LHFPL3: variants seen among roughly 807,000 people sequenced by gnomAD.
LHFPL3 encodes LHFPL tetraspan subfamily member 3 protein.
LHFPL3 carries 5 observed loss-of-function variants against 19.3 expected under a neutral mutation model. The ratio of observed to expected loss-of-function variants is 0.26; its 90% CI spans 0.14 to 0.54. The LOEUF (loss-of-function observed/expected upper bound fraction) is 0.54. LHFPL3 is among the 20% of genes least tolerant of loss of function. The pLI is 0.94. For missense variants in LHFPL3, 249 were observed against 307.4 expected (o/e 0.81, Z 1.42); for synonymous variants, 133 against 126.2 (o/e 1.05, Z -0.36).
intron 1 of LHFPL3, among the ~76,000 whole-genome samples, chr7:104,637,921 G>A (rs919302600): frequency 2.7e-5 from 4 of 147,406 alleles, no homozygotes; most frequent in African/African-American, 7.6e-5. Context: ...TTCTAGTCCC[G>A]TGAAGAATGT....
At chr7:104,565,778 A>G (rs921852071) in intron 1 of LHFPL3, among the ~76,000 whole-genome samples, 2 of 149,076 alleles carry the variant, frequency 1.3e-5, no homozygotes, top group African/African-American at 2.5e-5. Flanking sequence ...TATCTAATCT[A>G]TCTATCTGTC....
chr7:104,452,830 A>C (rs1792466619), intron 1 of LHFPL3, among the ~76,000 whole-genome samples: 1 of 152,230 alleles, frequency 6.6e-6, no homozygotes, highest in Non-Finnish European at 1.5e-5. Flanking sequence ...ATGCTATGAA[A>C]AGTGTAAACA....
chr7:104,637,207 G>A (rs1791744583), intron 1 of LHFPL3, among the ~76,000 whole-genome samples: 1 of 152,044 alleles, frequency 6.6e-6, no homozygotes, highest in Non-Finnish European at 1.5e-5. Context: ...CATATCCTTT[G>A]CCCACTTTTT....
intron 2 of LHFPL3, among the ~76,000 whole-genome samples, chr7:104,891,179 A>T (rs1306606642): frequency 4.8e-5 from 7 of 146,672 alleles, no homozygotes; most frequent in South Asian, 4.3e-4. Context: ...AGAATACCAT[A>T]AAAAAAAAAT....
intron 1 of LHFPL3, among the ~76,000 whole-genome samples, chr7:104,583,867 A>C (rs1045926866): frequency 1.3e-5 from 2 of 151,736 alleles, no homozygotes; most frequent in Non-Finnish European, 1.5e-5. Context: ...GTGGGACTGT[A>C]AACTAGTTCA....
At chr7:104,458,983 C>T (rs1473465257) in intron 1 of LHFPL3, among the ~76,000 whole-genome samples, 3 of 152,186 alleles carry the variant, frequency 2.0e-5, no homozygotes, top group Non-Finnish European at 4.4e-5. Flanking sequence ...GGCACCTAAG[C>T]TTTCAGCAGC....
At chr7:104,396,565 A>G (rs1315315591) in intron 1 of LHFPL3, among the ~76,000 whole-genome samples, 1 of 151,360 alleles carries the variant, frequency 6.6e-6, no homozygotes, top group East Asian at 1.9e-4. Flanking sequence ...GAAAAGTCAG[A>G]GGCATCCTCT....
intron 1 of LHFPL3, among the ~76,000 whole-genome samples, chr7:104,444,638 A>G (rs955816005): frequency 1.2e-4 from 18 of 152,192 alleles, no homozygotes; most frequent in African/African-American, 3.9e-4. Flanking sequence ...GCAGAATCTA[A>G]CTATAAGACA....
chr7:104,833,181 G>A (rs1212704890), intron 2 of LHFPL3, among the ~76,000 whole-genome samples: 2 of 105,052 alleles, frequency 1.9e-5, no homozygotes, highest in Non-Finnish European at 3.6e-5. Context: ...TTGTGATCAT[G>A]TAAGTTAATA....
intron 1 of LHFPL3, among the ~76,000 whole-genome samples, chr7:104,453,831 C>T (rs576760199): frequency 1.3e-5 from 2 of 152,260 alleles, no homozygotes; most frequent in East Asian, 1.9e-4. Context: ...ACTTCCCTCA[C>T]TTGCTCCTGC....
chr7:104,789,933 T>G (rs994823424), intron 2 of LHFPL3, among the ~76,000 whole-genome samples: 1 of 152,148 alleles, frequency 6.6e-6, no homozygotes, highest in African/African-American at 2.4e-5. Context: ...CCATCTACTA[T>G]ACAATGAGGG....
chr7:104,439,981 A>G (rs561024188), intron 1 of LHFPL3, among the ~76,000 whole-genome samples: 72 of 140,686 alleles, frequency 5.1e-4, no homozygotes, highest in African/African-American at 1.8e-3. Flanking sequence ...AATAAAATAT[A>G]TTAGTACTGA....
chr7:104,858,710 A>G (rs80151356), intron 2 of LHFPL3, among the ~76,000 whole-genome samples: 2,147 of 152,108 alleles, frequency 0.014, 50 homozygotes, highest in African/African-American at 0.049. Context: ...TCATCTCTGT[A>G]TCTGTCATTT....
chr7:104,700,098 A>G (rs569416844), intron 1 of LHFPL3, among the ~76,000 whole-genome samples: 17 of 151,996 alleles, frequency 1.1e-4, no homozygotes, highest in Admixed American at 7.9e-4. Context: ...CCATCCAACA[A>G]CTCTAGGCAT....
intron 1 of LHFPL3, among the ~76,000 whole-genome samples, chr7:104,515,374 T>C (rs771135204): frequency 2.0e-5 from 3 of 152,160 alleles, no homozygotes; most frequent in African/African-American, 7.2e-5. Context: ...TTAGCTATAA[T>C]TGACTCTAAG....
chr7:104,338,093 C>CTTTTTTTTTTTT lies in LHFPL3; in HGVS notation c.445+8881_445+8892dup, dbSNP rs71296520. 6.3e-3 allele frequency among the ~76,000 whole-genome samples: 539 copies of CTTTTTTTTTTTT among 85,850 alleles called. 18 individuals carry two copies. The highest frequency in any genetic ancestry group is 0.013 in the Middle Eastern group (1 of 78). 56.3% of individuals were successfully genotyped at this position (85,850 alleles called of 152,430 possible). A position where few individuals can be genotyped will look rare whatever the true frequency, so the allele number is the denominator to read the frequency against. On this transcript the variant is annotated intron_variant, in intron 1 of 2. Coordinates refer to ENST00000424859, the MANE Select transcript of LHFPL3 (RefSeq NM_199000.3). ...TTATGATACCTTTATTTTCCTTTTT[C>CTTTTTTTTTTTT]TTTTTTTTTTTTTTTTTTTTTTTGA...
intron 1 of LHFPL3, among the ~76,000 whole-genome samples, chr7:104,550,978 C>G (rs1244563070): frequency 3.3e-5 from 5 of 152,102 alleles, no homozygotes; most frequent in Non-Finnish European, 7.4e-5. Flanking sequence ...CAGAGCTCTC[C>G]TTGCTCTCTC....
At chr7:104,840,051 AATT>A (rs1233299256) in intron 2 of LHFPL3, among the ~76,000 whole-genome samples, 11 of 152,026 alleles carry the variant, frequency 7.2e-5, no homozygotes, top group South Asian at 4.2e-4. Context: ...TATAATCAAT[AATT>A]ATTAAGTATA....
At chr7:104,735,928 A>G (rs1180907944) in intron 1 of LHFPL3, among the ~76,000 whole-genome samples, 2 of 152,240 alleles carry the variant, frequency 1.3e-5, no homozygotes, top group Non-Finnish European at 2.9e-5. Context: ...GAGTGCTGTA[A>G]TAACATGGGA....
Sources: gnomAD v4.1 joint callset for allele counts (sites outside exome capture counted in the v4.1 genomes callset) on GRCh38, gnomAD v4.1.1 for gene constraint, MANE v1.5 for transcripts, NCBI Gene and HGNC (gene_info 2026-07-23, HGNC 2026-07-21) for gene names.